Variants in NPAS3 observed in about 807,000 individuals in gnomAD.
NPAS3 encodes the protein neuronal PAS domain-containing protein 3.
NPAS3 carries 14 observed loss-of-function variants against 73.1 expected under a neutral mutation model. That is an observed-to-expected ratio of 0.19 (90% CI 0.13 to 0.30). The LOEUF is 0.30. Among genes scored for constraint, NPAS3 ranks in the 10% least tolerant of loss-of-function variants. The pLI is 1.00. For missense variants in NPAS3, 1,096 were observed against 1,250.0 expected, an observed-to-expected ratio of 0.88 and a Z score of 1.86; for synonymous variants, 620 against 541.5, an observed-to-expected ratio of 1.14 and a Z score of -2.01.
In NPAS3 at chr14:33,774,304, G is replaced by T; in HGVS notation, c.853-33G>T. The T allele has an allele frequency of 2.6e-6, 4 of 1,558,222 alleles. No homozygotes were observed. The South Asian group carries it at 3.4e-5, about 13-fold the overall frequency. On this transcript the variant is annotated intron_variant, in intron 7 of 11. Coordinates refer to ENST00000356141, the Ensembl canonical transcript of NPAS3. ...GCTGTTATATCTGGGATGTAAATTTGACTGGTGTCCTGTACTTAATGTTGT... is the reference window on the plus strand; with the variant it reads ...GCTGTTATATCTGGGATGTAAATTTTACTGGTGTCCTGTACTTAATGTTGT...
At chr14:33,422,014 C>T (rs1438976972) in intron 4 of NPAS3, among the ~76,000 whole-genome samples, 1 of 151,856 alleles carries the variant, frequency 6.6e-6, no homozygotes, top group Non-Finnish European at 1.5e-5. Context: ...GGCACTAATG[C>T]CACTGTTGGG....
chr14:33,610,072 T>A (rs775922704), intron 5 of NPAS3, among the ~76,000 whole-genome samples: 3 of 152,218 alleles, frequency 2.0e-5, no homozygotes, highest in Non-Finnish European at 4.4e-5. Context: ...AGCCACTTGC[T>A]TTACATTTCC....
At chr14:33,468,899 T>C (rs2050652607) in intron 4 of NPAS3, among the ~76,000 whole-genome samples, 1 of 152,172 alleles carries the variant, frequency 6.6e-6, no homozygotes, top group Admixed American at 6.5e-5. Context: ...TTCATTCTTG[T>C]TAAATTCTGA....
chr14:33,696,021 A>G (rs1463341936), intron 6 of NPAS3, among the ~76,000 whole-genome samples: 2 of 152,268 alleles, frequency 1.3e-5, no homozygotes, highest in Non-Finnish European at 1.5e-5. Context: ...TCTTCTCTTT[A>G]TTTAGGAACA....
rs1483868019 is a variant in NPAS3, at chr14:32,994,619, TTTG to T, written c.50+55256_50+55258del. ...ATAGGCTCGCCATTCTAGTTTTTTG[TTTG>T]TTTGTTTGTTTTTGTTTTTTTTTTT... On this transcript the variant is annotated intron_variant, in intron 1 of 11. Transcript: ENST00000356141. Among the ~76,000 whole-genome samples the T allele has an allele frequency of 5.6e-5, 8 of 142,756 alleles. 1 individual carries two copies. Among genetic ancestry groups the T allele is most frequent in the Non-Finnish European group, 1.0e-4 (7 of 66,842 alleles). 93.7% of individuals were successfully genotyped at this position (142,756 alleles called of 152,430 possible).
chr14:33,558,350 TC>T, intron 4 of NPAS3, among the ~76,000 whole-genome samples: 2 of 152,046 alleles, frequency 1.3e-5, no homozygotes, highest in Non-Finnish European at 2.9e-5. Context: ...AACCTCCTCC[TC>T]CCGGGCTCAA....
intron 2 of NPAS3, among the ~76,000 whole-genome samples, chr14:33,174,323 A>T (rs778891656): frequency 6.6e-6 from 1 of 152,238 alleles, no homozygotes; most frequent in Non-Finnish European, 1.5e-5. Context: ...AAGCTGCAGT[A>T]TCTCACATTA....
At chr14:33,247,745 A>G (rs560227680) in intron 3 of NPAS3, among the ~76,000 whole-genome samples, 7 of 152,222 alleles carry the variant, frequency 4.6e-5, no homozygotes, top group Non-Finnish European at 1.0e-4. Context: ...TCATGTCGAA[A>G]AGATAGAATT....
At chr14:33,231,598 T>G (rs1172889322) in intron 3 of NPAS3, among the ~76,000 whole-genome samples, 4 of 152,222 alleles carry the variant, frequency 2.6e-5, no homozygotes, top group Non-Finnish European at 5.9e-5. Flanking sequence ...ATTCACATGC[T>G]GCTCTTTATA....
chr14:33,543,102 A>T (rs548579860), intron 4 of NPAS3, among the ~76,000 whole-genome samples: 1 of 152,288 alleles, frequency 6.6e-6, no homozygotes, highest in Non-Finnish European at 1.5e-5. Context: ...ACGCATGCTG[A>T]TGAAAAGAGA....
intron 2 of NPAS3, among the ~76,000 whole-genome samples, chr14:33,192,984 A>T (rs2046225032): frequency 2.6e-5 from 4 of 152,236 alleles, no homozygotes; most frequent in Admixed American, 2.6e-4. Context: ...CCCTGAAAAC[A>T]TACATTCTAA....
rs1051229721 is a variant in NPAS3, at chr14:33,183,865, C to A, written c.141-31317C>A. Among the ~76,000 whole-genome samples, 3 of 152,260 alleles carry A rather than the reference C, an allele frequency of 2.0e-5. No homozygotes were observed. The South Asian group carries it at 6.2e-4, about 32-fold the overall frequency. On this transcript the variant is annotated intron_variant, in intron 2 of 11. Coordinates refer to ENST00000356141, the Ensembl canonical transcript of NPAS3. ...CCTATCTGCAAGCCATATTCATGTGCCCCATAAATTGCCATACTGCTTAAT... is the reference window on the plus strand; with the variant it reads ...CCTATCTGCAAGCCATATTCATGTGACCCATAAATTGCCATACTGCTTAAT...
chr14:33,804,133 G>T (rs887256301), downstream of NPAS3: 2 of 151,540 alleles, frequency 1.3e-5, no homozygotes, highest in African/African-American at 2.4e-5. Context: ...TTTTTCATCC[G>T]CAGGTGCCAT....
At chr14:33,326,050 A>G (rs2043689771) in intron 3 of NPAS3, among the ~76,000 whole-genome samples, 1 of 151,358 alleles carries the variant, frequency 6.6e-6, no homozygotes. Context: ...TTTGTTTTTT[A>G]GAATTTGCTT....
chr14:33,452,729 C>A (rs1008101371), intron 4 of NPAS3, among the ~76,000 whole-genome samples: 5 of 124,940 alleles, frequency 4.0e-5, no homozygotes, highest in Non-Finnish European at 7.9e-5. Flanking sequence ...GAGCCCAGAT[C>A]GTGCCACTGC....
At chr14:33,307,890 C>T (rs1446662050) in intron 3 of NPAS3, among the ~76,000 whole-genome samples, 1 of 152,124 alleles carries the variant, frequency 6.6e-6, no homozygotes, top group South Asian at 2.1e-4. Context: ...TGAGTCATTA[C>T]GTTGTTTGGC....
intron 5 of NPAS3, among the ~76,000 whole-genome samples, chr14:33,673,660 C>T (rs1270908838): frequency 1.3e-5 from 2 of 152,216 alleles, no homozygotes; most frequent in Non-Finnish European, 2.9e-5. Context: ...CAAGTCTTGT[C>T]TTCTTCCCAG....
intron 5 of NPAS3, among the ~76,000 whole-genome samples, chr14:33,612,204 C>T (rs558013393): frequency 7.2e-4 from 109 of 152,166 alleles, no homozygotes; most frequent in African/African-American, 2.4e-3. Context: ...AGGCCCCTGC[C>T]GGGGAGAATG....
intron 1 of NPAS3, among the ~76,000 whole-genome samples, chr14:33,008,855 G>A (rs7159793): frequency 1.1e-4 from 16 of 152,218 alleles, no homozygotes; most frequent in Middle Eastern, 3.4e-3. Flanking sequence ...TTTATGAGCC[G>A]TATGTCAGTG....
Sources: allele counts gnomAD v4.1 joint callset (sites outside exome capture counted in the v4.1 genomes callset), GRCh38; gene constraint gnomAD v4.1.1; transcripts MANE v1.5; gene names NCBI Gene and HGNC (gene_info 2026-07-23, HGNC 2026-07-21).